BACH2: variants seen among roughly 807,000 people sequenced by gnomAD.
BACH2 encodes the protein transcription regulator protein BACH2.
In BACH2, 5 loss-of-function variants were observed where a neutral mutation model predicts 61.8. The ratio of observed to expected loss-of-function variants is 0.08; its 90% CI spans 0.04 to 0.17. BACH2 has a LOEUF of 0.17. BACH2 is among the 10% of genes least tolerant of loss of function. The pLI is 1.00. For synonymous variants in BACH2, 446 were observed against 440.1 expected, an observed-to-expected ratio of 1.01 and a Z score of -0.17; for missense variants, 824 against 1,091.1, an observed-to-expected ratio of 0.76 and a Z score of 3.45.
intron 2 of BACH2, among the ~76,000 whole-genome samples, chr6:90,264,177 CT>C (rs1771253316): frequency 2.0e-5 from 3 of 152,052 alleles, no homozygotes; most frequent in Admixed American, 2.0e-4. Flanking sequence ...CAATCTCTGC[CT>C]TTTTTACTCT....
At chr6:90,025,238 T>G (rs1318139617) in intron 5 of BACH2, among the ~76,000 whole-genome samples, 2 of 152,142 alleles carry the variant, frequency 1.3e-5, no homozygotes, top group African/African-American at 4.8e-5. Context: ...ATGGGCAGAT[T>G]TGGATATGCA....
chr6:90,019,663 ATTG>A (rs1582208422), intron 5 of BACH2, among the ~76,000 whole-genome samples: 1 of 152,186 alleles, frequency 6.6e-6, no homozygotes. Flanking sequence ...GTGCCGTTAT[ATTG>A]TTGTTGATGT....
intron 5 of BACH2, among the ~76,000 whole-genome samples, chr6:90,028,445 C>G (rs1016597471): frequency 3.3e-5 from 5 of 152,202 alleles, no homozygotes; most frequent in African/African-American, 9.7e-5. Context: ...CCTATTTTCT[C>G]TCTCTGCTAC....
At chr6:90,032,489 T>G (rs1400203944) in intron 5 of BACH2, among the ~76,000 whole-genome samples, 2 of 119,696 alleles carry the variant, frequency 1.7e-5, no homozygotes, top group Non-Finnish European at 3.2e-5. Context: ...GAATCTATAA[T>G]GAACTCCAAC....
At chr6:90,006,482 C>T (rs188311263) in intron 6 of BACH2, among the ~76,000 whole-genome samples, 1 of 152,298 alleles carries the variant, frequency 6.6e-6, no homozygotes, top group Admixed American at 6.5e-5. Context: ...GCTGATCTGT[C>T]CTTTTGCTTC....
At chr6:90,130,491 G>A (rs1448666392) in intron 4 of BACH2, among the ~76,000 whole-genome samples, 1 of 152,224 alleles carries the variant, frequency 6.6e-6, no homozygotes, top group African/African-American at 2.4e-5. Flanking sequence ...ATGACCCTGA[G>A]CGTGAGTACT....
chr6:90,107,663 ATTTT>A (rs35319113), intron 4 of BACH2, among the ~76,000 whole-genome samples: 5 of 134,738 alleles, frequency 3.7e-5, no homozygotes, highest in Non-Finnish European at 4.8e-5. Flanking sequence ...TCTATTTGTG[ATTTT>A]TTTTTTTTTT....
At chr6:90,164,722 A>G (rs1293630242) in intron 4 of BACH2, among the ~76,000 whole-genome samples, 2 of 152,322 alleles carry the variant, frequency 1.3e-5, no homozygotes, top group East Asian at 3.9e-4. Flanking sequence ...ACCATGATCA[A>G]GTGGGCTTCA....
rs72923980 is a variant in BACH2, at chr6:90,029,210, C to T, written c.-12-20354G>A. Among the ~76,000 whole-genome samples the T allele has an allele frequency of 5.7e-3, 868 of 152,286 alleles. 3 individuals are homozygous for T. Among genetic ancestry groups the T allele is most frequent in the Non-Finnish European group, 9.8e-3 (669 of 68,020 alleles). On this transcript the variant is annotated intron_variant, in intron 5 of 8. Transcript: ENST00000257749. ...GCAGGTTCAGCGATCTGCATTTTAACCCCATGACAGCTGATTTCAAACAAC... is the reference window on the plus strand; with the variant it reads ...GCAGGTTCAGCGATCTGCATTTTAATCCCATGACAGCTGATTTCAAACAAC...
At chr6:90,216,655 T>C (rs913998006) in intron 3 of BACH2, among the ~76,000 whole-genome samples, 44 of 152,218 alleles carry the variant, frequency 2.9e-4, no homozygotes, top group Admixed American at 2.9e-3. Context: ...TTATTTCATA[T>C]CCTTTAATTC....
intron 1 of BACH2, among the ~76,000 whole-genome samples, chr6:90,288,660 CT>C (rs1192857704): frequency 6.6e-6 from 1 of 152,144 alleles, no homozygotes; most frequent in Non-Finnish European, 1.5e-5. Flanking sequence ...TTGCAACATG[CT>C]AATCTGGCAA....
At chr6:89,967,673 A>T (rs916661814) in intron 6 of BACH2, among the ~76,000 whole-genome samples, 2 of 152,180 alleles carry the variant, frequency 1.3e-5, no homozygotes, top group Non-Finnish European at 2.9e-5. Context: ...TTCTTTAACA[A>T]GCGTGGGAGG....
At chr6:90,044,952 T>C (rs1779711815) in intron 5 of BACH2, among the ~76,000 whole-genome samples, 1 of 152,164 alleles carries the variant, frequency 6.6e-6, no homozygotes. Context: ...AGCCTGATTC[T>C]AGAGAGATAA....
intron 4 of BACH2, among the ~76,000 whole-genome samples, chr6:90,186,113 T>C (rs1169905735): frequency 6.6e-6 from 1 of 152,248 alleles, no homozygotes; most frequent in African/African-American, 2.4e-5. Flanking sequence ...TTCTCTGTTT[T>C]AGCCCATTTC....
At chr6:90,066,775 T>G (rs1287765828) in intron 5 of BACH2, among the ~76,000 whole-genome samples, 2 of 152,196 alleles carry the variant, frequency 1.3e-5, no homozygotes, top group Non-Finnish European at 2.9e-5. Flanking sequence ...AGGCCACCAC[T>G]ATACTCATGG....
intron 7 of BACH2, among the ~76,000 whole-genome samples, chr6:89,941,843 G>T (rs994274990): frequency 6.6e-6 from 1 of 152,168 alleles, no homozygotes; most frequent in African/African-American, 2.4e-5. Context: ...AAAGTCAAAA[G>T]GATGTCTATA....
chr6:89,932,568 T>A lies in BACH2; in HGVS notation c.2366A>T (p.Asn789Ile). Residue 789 changes from asparagine (N) to isoleucine (I), a missense_variant, in exon 9 of 9, where the codon AAT becomes ATT. Physicochemically the swap from Asn to Ile is moderately radical, Grantham distance 149. Around this residue, in one of 8 missense-constraint regions of BACH2, gnomAD observed 135 missense variants for 142.7 expected, o/e 0.95. Transcript: ENST00000257749. Reference protein sequence around the residue: ...PPWAPSNTSENCTSGRRLEGT... With the variant: ...PPWAPSNTSEICTSGRRLEGT... Reference sequence around the variant, plus strand: ...TTCTAGTCTCCTCCCAGAGGTACAATTCTCGGAGGTGTTGCTGGGTGCCCA... The same window carrying A: ...TTCTAGTCTCCTCCCAGAGGTACAAATCTCGGAGGTGTTGCTGGGTGCCCA... 1.2e-6 allele frequency: 2 copies of A among 1,614,090 alleles called. No homozygotes were observed. The highest frequency in any genetic ancestry group is 1.7e-6 in the Non-Finnish European group (2 of 1,180,014).
chr6:90,200,890 T>C (rs2127847694), intron 4 of BACH2, among the ~76,000 whole-genome samples: 1 of 152,252 alleles, frequency 6.6e-6, no homozygotes, highest in Admixed American at 6.5e-5. Flanking sequence ...CTTAAGAAAA[T>C]CTAGAACATA....
chr6:90,268,053 G>A (rs1771401801), intron 2 of BACH2, among the ~76,000 whole-genome samples: 1 of 144,944 alleles, frequency 6.9e-6, no homozygotes, highest in Non-Finnish European at 1.5e-5. Context: ...CTGTCGCCCA[G>A]GCTAGAGTGC....
Sources: gnomAD v4.1 joint callset for allele counts (sites outside exome capture counted in the v4.1 genomes callset) on GRCh38, gnomAD v4.1.1 for gene constraint, gnomAD v4.1.1 regional missense constraint, MANE v1.5 for transcripts, NCBI Gene and HGNC (gene_info 2026-07-23, HGNC 2026-07-21) for gene names.